NOVA1: variants seen among roughly 807,000 people sequenced by gnomAD.
NOVA1 encodes the protein NOVA alternative splicing regulator 1.
Under a neutral mutation model 38.0 loss-of-function variants are expected in NOVA1, and 7 were observed. That is an observed-to-expected ratio of 0.18 (90% confidence interval 0.10 to 0.35). NOVA1 has a LOEUF of 0.35. Ranked by LOEUF, NOVA1 falls within the 10% of genes least tolerant of loss-of-function variation. The probability of loss-of-function intolerance (pLI) is 1.00; values close to 1 mark genes in which losing one functional copy is unlikely to be tolerated. For missense variants in NOVA1, 460 were observed against 616.0 expected (o/e 0.75, Z 2.68); for synonymous variants, 270 against 232.5 (o/e 1.16, Z -1.47).
intron 2 of NOVA1, among the ~76,000 whole-genome samples, chr14:26,487,975 C>T (rs1048167707): frequency 4.6e-5 from 7 of 152,080 alleles, no homozygotes; most frequent in African/African-American, 1.7e-4. Context: ...TACCACTGTA[C>T]AGTTACGCAC....
Position 26,527,515 on chromosome 14 carries a change from A to T in NOVA1, c.281-47372T>A, listed in dbSNP as rs148986995. Among the ~76,000 whole-genome samples the T allele has an allele frequency of 7.2e-4, 110 of 152,148 alleles. No homozygotes were observed. In the East Asian group the frequency reaches 0.02, roughly 28 times the overall value. On this transcript the variant is annotated intron_variant, in intron 2 of 4. Transcript: ENST00000539517. The stretch of plus-strand genomic sequence containing the variant: ...AAAACAAAACAAAACAAACAAATAA[A>T]AAAAAAAAAACCTTAGTGATTCTCT...
chr14:26,465,447 A>T (rs1447688031), intron 4 of NOVA1, among the ~76,000 whole-genome samples: 2 of 152,210 alleles, frequency 1.3e-5, no homozygotes, highest in Non-Finnish European at 2.9e-5. Context: ...CTGGGATTAC[A>T]GGCGTGAGCC....
rs1882265324 is a variant in NOVA1, at chr14:26,448,281, G to C, written c.1202C>G (p.Ala401Gly). The change falls in exon 5 of 5, where the codon GCT (alanine) becomes GGT (glycine). Residue 401 changes from alanine (A) to glycine (G), a missense_variant. By Grantham distance (60) the Ala-to-Gly change is moderately conservative. Coordinates refer to ENST00000539517, the MANE Select transcript of NOVA1 (RefSeq NM_002515.3). This position sits in a 1 kb window ranked among gnomAD's most constrained non-coding sequence, Gnocchi z 5.3. ...ATAATNGYFG[A>G]ASPLAASAIL... ...GGCACTGGCAGCTAGGGGAGAAGCAGCTCCAAAATATCCATTGGTTGCAGC... is the reference window on the plus strand; with the variant it reads ...GGCACTGGCAGCTAGGGGAGAAGCACCTCCAAAATATCCATTGGTTGCAGC... The C allele has an allele frequency of 3.1e-6, 5 of 1,614,182 alleles. No homozygotes were observed. The highest frequency in any genetic ancestry group is 4.2e-6 in the Non-Finnish European group (5 of 1,180,032).
intron 4 of NOVA1, among the ~76,000 whole-genome samples, chr14:26,468,435 T>C (rs1302835250): frequency 6.6e-6 from 1 of 152,140 alleles, no homozygotes; most frequent in Non-Finnish European, 1.5e-5. Flanking sequence ...CCCTGTGAGG[T>C]CACAAGCAAA....
chr14:26,548,540 C>G (rs894925162), intron 2 of NOVA1, among the ~76,000 whole-genome samples: 1 of 151,904 alleles, frequency 6.6e-6, no homozygotes, highest in Admixed American at 6.6e-5. Flanking sequence ...AAATGTCATA[C>G]TATTGACTAA....
At position 26,447,702 on chromosome 14, in the gene NOVA1, A is replaced by G. The variant is rs1594306678; in HGVS notation, c.*257T>C. The G allele has an allele frequency of 4.0e-6, 2 of 499,510 alleles. No individual in the cohort carries two copies. Among genetic ancestry groups the G allele is most frequent in the East Asian group, 3.4e-5 (1 of 29,204 alleles). The allele number at this position is 499,510 out of a possible 1,614,324, so 30.9% of individuals were successfully genotyped here. On this transcript the variant is annotated 3_prime_UTR_variant, in exon 5 of 5. Transcript: ENST00000539517. ...AATGCTGGTAAAATGGCAGGCTTAA[A>G]TCTTACACTAGAAACACCTCTGACA...
rs189055713 is a variant in NOVA1 at position 26,558,576 on chromosome 14, A to G, written c.280+36834T>C. Among the ~76,000 whole-genome samples, 505 of 152,274 alleles carry G rather than the reference A, an allele frequency of 3.3e-3. 1 individual carries two copies. Among genetic ancestry groups the G allele is most frequent in the Admixed American group, 8.4e-3 (129 of 15,292 alleles). ...ATTTAGGATAATTACATGGAAATAG[A>G]AGTAAACTAAAAAATTAAAGTGCAA... On this transcript the variant is annotated intron_variant, in intron 2 of 4. Coordinates refer to ENST00000539517, the MANE Select transcript of NOVA1 (RefSeq NM_002515.3).
chr14:26,536,580 C>A (rs551145760), intron 2 of NOVA1, among the ~76,000 whole-genome samples: 2 of 149,632 alleles, frequency 1.3e-5, no homozygotes, highest in Non-Finnish European at 3.0e-5. Context: ...AAAAATAAAG[C>A]GAGAACTTCT....
intron 2 of NOVA1, among the ~76,000 whole-genome samples, chr14:26,516,951 G>A (rs1888514643): frequency 1.4e-5 from 2 of 143,968 alleles, no homozygotes; most frequent in Admixed American, 7.4e-5. Context: ...TGTTGCCCAG[G>A]CTAAAGTGCA....
At chr14:26,491,319 G>C (rs1350397415) in intron 2 of NOVA1, among the ~76,000 whole-genome samples, 2 of 151,996 alleles carry the variant, frequency 1.3e-5, no homozygotes, top group African/African-American at 4.8e-5. Context: ...TTGAGTTTTA[G>C]GAGTTGTTTA....
At chr14:26,454,067 G>T (rs1312023176) in intron 4 of NOVA1, among the ~76,000 whole-genome samples, 1 of 151,964 alleles carries the variant, frequency 6.6e-6, no homozygotes, top group East Asian at 1.9e-4. Context: ...TAGAACAGGG[G>T]TGTCCAATTT....
At chr14:26,542,905 T>C (rs1167678295) in intron 2 of NOVA1, among the ~76,000 whole-genome samples, 1 of 151,718 alleles carries the variant, frequency 6.6e-6, no homozygotes, top group East Asian at 1.9e-4. Context: ...AATAAAGAAG[T>C]CAAAGGAAAA....
chr14:26,493,209 CAT>C (rs1394715461), intron 2 of NOVA1, among the ~76,000 whole-genome samples: 4 of 152,064 alleles, frequency 2.6e-5, no homozygotes, highest in African/African-American at 7.2e-5. Context: ...CTAATAGTGA[CAT>C]GTGAAAATAG....
rs1368148954 is a variant in NOVA1 at position 26,447,732 on chromosome 14, T to C, written c.*227A>G. 9 of 552,300 alleles carry C rather than the reference T, an allele frequency of 1.6e-5. No homozygotes were observed. The highest frequency in any genetic ancestry group is 3.0e-5 in the East Asian group (1 of 33,570). 34.2% of individuals were successfully genotyped at this position (552,300 alleles called of 1,614,324 possible). A position where few individuals can be genotyped will look rare whatever the true frequency, so the allele number is the denominator to read the frequency against. On this transcript the variant is annotated 3_prime_UTR_variant, in exon 5 of 5. Transcript: ENST00000539517. Reference sequence around the variant, plus strand: ...ACACTAGAAACACCTCTGACAAATATACACAAGCAAAGTATAGAGAACAAA... The same window carrying C: ...ACACTAGAAACACCTCTGACAAATACACACAAGCAAAGTATAGAGAACAAA...
chr14:26,544,748 A>G (rs928446671), intron 2 of NOVA1, among the ~76,000 whole-genome samples: 18 of 152,096 alleles, frequency 1.2e-4, no homozygotes, highest in African/African-American at 4.3e-4. Flanking sequence ...CAGAGAAGCA[A>G]GAATAGAGTA....
intron 2 of NOVA1, among the ~76,000 whole-genome samples, chr14:26,496,454 T>C (rs1886793938): frequency 6.6e-6 from 1 of 152,100 alleles, no homozygotes; most frequent in Admixed American, 6.5e-5. Flanking sequence ...GCCTGTTCAC[T>C]CTGATGGTAG....
At chr14:26,477,532 T>A (rs1885084285) in intron 3 of NOVA1, among the ~76,000 whole-genome samples, 1 of 152,072 alleles carries the variant, frequency 6.6e-6, no homozygotes, top group South Asian at 2.1e-4. Flanking sequence ...ACCCACTCAG[T>A]CAATAAGGGC....
At chr14:26,536,539 T>C (rs1179898563) in intron 2 of NOVA1, among the ~76,000 whole-genome samples, 1 of 151,608 alleles carries the variant, frequency 6.6e-6, no homozygotes, top group Non-Finnish European at 1.5e-5. Context: ...TTTAAAAAGA[T>C]ATAGCTGGCA....
At chr14:26,545,929 T>C (rs1890762082) in intron 2 of NOVA1, among the ~76,000 whole-genome samples, 1 of 152,076 alleles carries the variant, frequency 6.6e-6, no homozygotes, top group Admixed American at 6.6e-5. Flanking sequence ...TTAAAGATAA[T>C]GAGGTTTCTG....
Sources: gnomAD v4.1 joint callset for allele counts (sites outside exome capture counted in the v4.1 genomes callset) on GRCh38, gnomAD v4.1.1 for gene constraint, Gnocchi (gnomAD v3.1) non-coding constraint, MANE v1.5 for transcripts, NCBI Gene and HGNC (gene_info 2026-07-23, HGNC 2026-07-21) for gene names.